The following SLIT1 variants were observed in gnomAD, a reference collection of about 807,000 sequenced individuals.
SLIT1 encodes slit homolog 1 protein.
A neutral mutation model predicts 186.1 loss-of-function variants in SLIT1; 66 were observed. The ratio of observed to expected loss-of-function variants is 0.35; its 90% CI spans 0.29 to 0.44. The LOEUF is 0.44. Ranked by LOEUF, SLIT1 falls within the 20% of genes least tolerant of loss-of-function variation. The pLI, the probability that SLIT1 is intolerant of heterozygous loss-of-function variation, is 1.00. For synonymous variants in SLIT1, 761 were observed against 833.8 expected (o/e 0.91, Z 1.50); for missense variants, 1,638 against 2,037.4 (o/e 0.80, Z 3.77).
In SLIT1 at chr10:97,022,693, TTATA is replaced by T. The variant is rs1264799558; in HGVS notation, c.2583-1284_2583-1281del. Among the ~76,000 whole-genome samples the T allele has an allele frequency of 2.0e-5, 3 of 152,174 alleles. No individual in the cohort carries two copies. The highest frequency in any genetic ancestry group is 7.2e-5 in the African/African-American group (3 of 41,446). On this transcript the variant is annotated intron_variant, in intron 25 of 36. Transcript: ENST00000266058. The surrounding 1 kb of genome is among the most constrained non-coding windows in gnomAD (Gnocchi z 4.2). The stretch of plus-strand genomic sequence containing the variant: ...CCCCATGTTCATCAATGGGGAGTGG[TTATA>T]TAAATTGTGATACATTCACATTACG...
At chr10:97,156,405 C>T (rs1011899724) in intron 4 of SLIT1, among the ~76,000 whole-genome samples, 1 of 152,064 alleles carries the variant, frequency 6.6e-6, no homozygotes, top group Non-Finnish European at 1.5e-5. Context: ...TGGCAAAACC[C>T]CGTCTCTACA....
intron 4 of SLIT1, among the ~76,000 whole-genome samples, chr10:97,069,070 G>T (rs1274321937): frequency 6.6e-6 from 1 of 152,192 alleles, no homozygotes; most frequent in Non-Finnish European, 1.5e-5. Context: ...CCTGGTCTGT[G>T]GACTTGTGGA....
intron 4 of SLIT1, chr10:97,154,695 A>G (rs1849926052): frequency 6.6e-6 from 1 of 152,228 alleles, no homozygotes; most frequent in African/African-American, 2.4e-5. Flanking sequence ...CACTGCAATG[A>G]GGACACCCAA....
At chr10:97,173,899 G>T (rs911380867) in intron 1 of SLIT1, among the ~76,000 whole-genome samples, 2 of 152,170 alleles carry the variant, frequency 1.3e-5, no homozygotes, top group Non-Finnish European at 2.9e-5. Flanking sequence ...TGGCCCAGGG[G>T]GTAGAAGAAT....
Position 97,185,679 on chromosome 10 carries a change from C to T in SLIT1, c.-5G>A, listed in dbSNP as rs540879779. ...CCACCCGGGAGTCAGCGCCATGGTGCCCTCACAGCGTCCCGCTCGCGAGCC... is the reference window on the plus strand; with the variant it reads ...CCACCCGGGAGTCAGCGCCATGGTGTCCTCACAGCGTCCCGCTCGCGAGCC... On this transcript the variant is annotated 5_prime_UTR_variant, in exon 1 of 37. Coordinates refer to ENST00000266058, the MANE Select transcript of SLIT1 (RefSeq NM_003061.3). The T allele has an allele frequency of 4.8e-5, 72 of 1,509,386 alleles. 1 individual carries two copies. The African/African-American group carries it at 9.2e-4, about 19-fold the overall frequency. The allele number at this position is 1,509,386 out of a possible 1,614,324, so 93.5% of individuals were successfully genotyped here.
intron 4 of SLIT1, among the ~76,000 whole-genome samples, chr10:97,151,717 T>C (rs1849882542): frequency 1.3e-5 from 2 of 152,274 alleles, no homozygotes; most frequent in Admixed American, 1.3e-4. Context: ...CTTGCATTTC[T>C]TTATCTGTAA....
chr10:97,085,084 C>T lies in SLIT1; in HGVS notation c.414-18998G>A, dbSNP rs558059017. Among the ~76,000 whole-genome samples, 4 of 151,994 alleles carry T rather than the reference C, an allele frequency of 2.6e-5. No individual in the cohort carries two copies. In the East Asian group the frequency reaches 7.8e-4, roughly 30 times the overall value. ...GACTACAGGCACCTGCTACCACACC[C>T]GGCTAATTTTTTGTATTTTTAGTAG... is the stretch of plus-strand genomic sequence containing the variant. On this transcript the variant is annotated intron_variant, in intron 4 of 36. Coordinates refer to ENST00000266058, the MANE Select transcript of SLIT1 (RefSeq NM_003061.3).
At chr10:97,154,813 T>C (rs541809615) in intron 4 of SLIT1, 1 of 152,414 alleles carries the variant, frequency 6.6e-6, no homozygotes, top group East Asian at 1.9e-4. Flanking sequence ...AATCTTCTTG[T>C]GCCAGCCTTT....
chr10:97,088,608 T>C (rs536682452), intron 4 of SLIT1, among the ~76,000 whole-genome samples: 8 of 152,304 alleles, frequency 5.3e-5, no homozygotes, highest in Admixed American at 5.2e-4. Context: ...ACACATGGCA[T>C]GGGTGAAAGT....
chr10:97,076,647 G>A (rs958997409), intron 4 of SLIT1, among the ~76,000 whole-genome samples: 5 of 152,220 alleles, frequency 3.3e-5, no homozygotes, highest in Admixed American at 2.0e-4. Flanking sequence ...TTCAAGGTGG[G>A]TTCTGGAGAG....
intron 4 of SLIT1, among the ~76,000 whole-genome samples, chr10:97,128,844 C>A (rs983225418): frequency 3.3e-5 from 5 of 152,184 alleles, no homozygotes; most frequent in Non-Finnish European, 7.4e-5. Context: ...GATGTTCAGG[C>A]CCTCCAGCCT....
intron 4 of SLIT1, among the ~76,000 whole-genome samples, chr10:97,072,380 T>C (rs1849008474): frequency 6.6e-6 from 1 of 152,166 alleles, no homozygotes; most frequent in Non-Finnish European, 1.5e-5. Flanking sequence ...TCCAGGCTGG[T>C]CTCAAACTCC....
chr10:97,184,346 A>G lies in SLIT1; in HGVS notation c.197+1132T>C, dbSNP rs908788158. On this transcript the variant is annotated intron_variant, in intron 1 of 36. Coordinates refer to ENST00000266058, the MANE Select transcript of SLIT1 (RefSeq NM_003061.3). The surrounding 1 kb of genome is among the most constrained non-coding windows in gnomAD (Gnocchi z 4.4). ...GGAGTAGGTAGGTTTCAAAGGAGCC[A>G]GCAGCCTTCTCCAAAGCCCTGTTCA... Among the ~76,000 whole-genome samples, 3 of 152,146 alleles carry G rather than the reference A, an allele frequency of 2.0e-5. No homozygotes were observed. The highest frequency in any genetic ancestry group is 6.5e-5 in the Admixed American group (1 of 15,270).
chr10:97,087,805 T>C (rs2134660571), intron 4 of SLIT1, among the ~76,000 whole-genome samples: 1 of 152,226 alleles, frequency 6.6e-6, no homozygotes, highest in African/African-American at 2.4e-5. Context: ...GATGGAGTCT[T>C]GATCAGCCCA....
Position 97,001,020 on chromosome 10 carries a change from C to T in SLIT1, c.*92G>A. ...CTGCCCAGGAGCCGTCCTGTGATGACCTGCACCCCAGCCCAGCTGCTGGCG... is the reference window on the plus strand; with the variant it reads ...CTGCCCAGGAGCCGTCCTGTGATGATCTGCACCCCAGCCCAGCTGCTGGCG... On this transcript the variant is annotated 3_prime_UTR_variant, in exon 37 of 37. Coordinates refer to ENST00000266058, the MANE Select transcript of SLIT1 (RefSeq NM_003061.3). 1 of 1,045,236 alleles carries T rather than the reference C, an allele frequency of 9.6e-7. No individual in the cohort carries two copies. The highest frequency in any genetic ancestry group is 2.0e-5 in the Admixed American group (1 of 50,412). The allele number at this position is 1,045,236 out of a possible 1,614,324, so 64.7% of individuals were successfully genotyped here. A position where few individuals can be genotyped will look rare whatever the true frequency, so the allele number is the denominator to read the frequency against.
chr10:97,137,525 T>A (rs2134699792), intron 4 of SLIT1, among the ~76,000 whole-genome samples: 1 of 152,306 alleles, frequency 6.6e-6, no homozygotes, highest in East Asian at 1.9e-4. Context: ...ACAAGCTTAA[T>A]GTTTCTTTTC....
intron 4 of SLIT1, among the ~76,000 whole-genome samples, chr10:97,123,334 A>C (rs1244372322): frequency 1.3e-5 from 2 of 152,216 alleles, no homozygotes; most frequent in African/African-American, 4.8e-5. Flanking sequence ...TTCCTGTGGA[A>C]TGTAAAATTG....
chr10:97,176,425 GC>G (rs1850257048), intron 1 of SLIT1, among the ~76,000 whole-genome samples: 1 of 151,718 alleles, frequency 6.6e-6, no homozygotes, highest in Admixed American at 6.6e-5. Flanking sequence ...AAGACCCCTG[GC>G]TCCCTCCTTC....
intron 28 of SLIT1, among the ~76,000 whole-genome samples, chr10:97,015,572 G>A (rs189707185): frequency 2.0e-4 from 31 of 152,172 alleles, no homozygotes; most frequent in Non-Finnish European, 3.8e-4. Context: ...CAAACGCTGT[G>A]TCCTCTCTCA....
Sources: allele counts gnomAD v4.1 joint callset (sites outside exome capture counted in the v4.1 genomes callset), GRCh38; gene constraint gnomAD v4.1.1; non-coding constraint Gnocchi (gnomAD v3.1); transcripts MANE v1.5; gene names NCBI Gene and HGNC (gene_info 2026-07-23, HGNC 2026-07-21).